The following CYB561A3 variants were observed in gnomAD, a reference collection of about 807,000 sequenced individuals.
CYB561A3 encodes lysosomal membrane ascorbate-dependent ferrireductase CYB561A3.
In CYB561A3, 16 loss-of-function variants were observed where a neutral mutation model predicts 25.3. The ratio of observed to expected loss-of-function variants is 0.63; its 90% confidence interval spans 0.43 to 0.96. CYB561A3 has a LOEUF of 0.96. Ranked by LOEUF, CYB561A3 falls within the 40% of genes least tolerant of loss-of-function variation. CYB561A3 has a pLI of 0.00. For synonymous variants in CYB561A3, 131 were observed against 129.9 expected (o/e 1.01, Z -0.06); for missense variants, 219 against 307.5 (o/e 0.71, Z 2.15).
intron 3 of CYB561A3, among the ~76,000 whole-genome samples, chr11:61,354,972 C>T (rs2135120637): frequency 6.6e-6 from 1 of 151,914 alleles, no homozygotes; most frequent in African/African-American, 2.4e-5. Context: ...GGGTTCACGC[C>T]ATTCTCCTGC....
At position 61,353,132 on chromosome 11, in the gene CYB561A3, A is replaced by G. The variant is rs778479865; in HGVS notation, c.401T>C (p.Leu134Pro). ...TVFLFACQWF[L>P]GFAVFLLPWA... ...GGGCAGGAGGAAGACAGCAAAGCCC[A>G]GGAACCACTGTGGACAAAAGGGAGG... Residue 134 changes from leucine to proline, a missense_variant, in exon 5 of 7, where the codon CTG (leucine) becomes CCG (proline). Transcript: ENST00000294072. The G allele has an allele frequency of 3.1e-6, 5 of 1,606,862 alleles. No individual in the cohort carries two copies. The highest frequency in any genetic ancestry group is 4.2e-6 in the Non-Finnish European group (5 of 1,176,838).
At chr11:61,350,759 G>A in intron 6 of CYB561A3, 1 of 617,342 alleles carries the variant, frequency 1.6e-6, no homozygotes, top group Non-Finnish European at 2.7e-6. Flanking sequence ...CAGTGATTTG[G>A]GGGGGAAATT....
intron 5 of CYB561A3, 131 bp from the exon 6 acceptor site, chr11:61,351,278 C>A (rs1213585585): frequency 1.2e-6 from 1 of 842,310 alleles, no homozygotes; most frequent in Non-Finnish European, 1.7e-6. Flanking sequence ...AATTTTAACA[C>A]CCTTTCTTTT....
chr11:61,349,920 C>T lies in CYB561A3; in HGVS notation c.*479G>A, dbSNP rs1857319420. On this transcript the variant is annotated 3_prime_UTR_variant, in exon 7 of 7. Transcript: ENST00000294072. ...ACCTCACCTCCCTCATGTTTCACAC[C>T]GTGGACTGCACTTGAGTCCCAGCTC... is the stretch of plus-strand genomic sequence containing the variant. The T allele has an allele frequency of 6.0e-6, 3 of 502,068 alleles. No homozygotes were observed. Among genetic ancestry groups the T allele is most frequent in the African/African-American group, 1.9e-5 (1 of 51,764 alleles). The allele number at this position is 502,068 out of a possible 1,614,324, so 31.1% of individuals were successfully genotyped here. A position where few individuals can be genotyped will look rare whatever the true frequency, so the allele number is the denominator to read the frequency against.
chr11:61,356,951 C>A, intron 2 of CYB561A3: 1 of 1,452,578 alleles, frequency 6.9e-7, no homozygotes, highest in Non-Finnish European at 9.0e-7. Context: ...CCTGGCAGTG[C>A]CCAGACAGAG....
At chr11:61,350,763 G>A in intron 6 of CYB561A3, 2 of 624,996 alleles carry the variant, frequency 3.2e-6, no homozygotes, top group South Asian at 2.4e-5. Flanking sequence ...GATTTGGGGG[G>A]GAAATTCTGT....
intron 5 of CYB561A3, 195 bp from the exon 6 acceptor site, chr11:61,351,342 T>G: frequency 1.9e-6 from 1 of 517,442 alleles, no homozygotes; most frequent in African/African-American, 2.2e-5. Context: ...CGGGCTGGAG[T>G]GCAGTGGCAC....
rs1031208900 is a variant in CYB561A3, at chr11:61,350,098, C to CA, written c.*300dup. On this transcript the variant is annotated 3_prime_UTR_variant, in exon 7 of 7. Transcript: ENST00000294072. Reference sequence around the variant, plus strand: ...CAGAAGCCAAAGCCACCAAGGAAAGCAGACAGGCAGCAAGCAGCCAGAGAA... The same window carrying CA: ...CAGAAGCCAAAGCCACCAAGGAAAGCAAGACAGGCAGCAAGCAGCCAGAGAA... The CA allele has an allele frequency of 1.8e-6, 1 of 559,118 alleles. No individual in the cohort carries two copies. The highest frequency in any genetic ancestry group is 3.1e-5 in the Admixed American group (1 of 32,162). The allele number at this position is 559,118 out of a possible 1,614,324, so 34.6% of individuals were successfully genotyped here.
chr11:61,360,826 A>AAATTAGCCGGGCGCGGTC (rs2135137271), intron 1 of CYB561A3: 1 of 152,234 alleles, frequency 6.6e-6, no homozygotes, highest in African/African-American at 2.4e-5. Context: ...AAAAATACAA[A>AAATTAGCCGGGCGCGGTC]AATTAGCCGG....
At chr11:61,351,971 TC>T (rs1857433780) in intron 5 of CYB561A3, 1 of 152,154 alleles carries the variant, frequency 6.6e-6, no homozygotes, top group South Asian at 2.1e-4. Context: ...CAGGCTGGAC[TC>T]CTTCCACCTC....
Position 61,349,706 on chromosome 11 carries a change from A to T in CYB561A3, c.*693T>A. 2.9e-6 allele frequency: 2 copies of T among 699,662 alleles called. No individual in the cohort carries two copies. The allele number at this position is 699,662 out of a possible 1,614,324, so 43.3% of individuals were successfully genotyped here. A position where few individuals can be genotyped will look rare whatever the true frequency, so the allele number is the denominator to read the frequency against. On this transcript the variant is annotated 3_prime_UTR_variant, in exon 7 of 7. Transcript: ENST00000294072. ...GACACAGAGCAGCAATACGAAACAG[A>T]ACAGCTCAGAGCGGTCAGCTCCTCA...
chr11:61,359,275 TTCCATGAA>T (rs1565072370), intron 1 of CYB561A3: 1 of 150,294 alleles, frequency 6.7e-6, no homozygotes, highest in Non-Finnish European at 1.5e-5. Flanking sequence ...GGGAAAAAGC[TTCCATGAA>T]GCTGGCAGGA....
chr11:61,358,813 G>A (rs1303405775), intron 1 of CYB561A3: 1 of 152,224 alleles, frequency 6.6e-6, no homozygotes, highest in Non-Finnish European at 1.5e-5. Flanking sequence ...TGTTCCTTGT[G>A]CCTGCCCAGG....
intron 3 of CYB561A3, 77 bp downstream of exon 3, chr11:61,356,439 CAACATTTACAAAGG>C: frequency 7.6e-7 from 1 of 1,319,820 alleles, no homozygotes; most frequent in Non-Finnish European, 1.0e-6. Flanking sequence ...GCCCCAAGCC[CAACATTTACAAAGG>C]CCAGCCTTGG....
At chr11:61,356,405 A>C in intron 3 of CYB561A3, 125 bp downstream of exon 3, 3 of 715,680 alleles carry the variant, frequency 4.2e-6, no homozygotes, top group East Asian at 5.0e-5. Context: ...GCCCAGAGAC[A>C]GCCCAACCCA....
At chr11:61,350,769 T>TCCCC (rs1857366157) in intron 6 of CYB561A3, 1 of 636,838 alleles carries the variant, frequency 1.6e-6, no homozygotes, top group African/African-American at 1.8e-5. Flanking sequence ...GGGGGGAAAT[T>TCCCC]CTGTCTCCCA....
intron 3 of CYB561A3, chr11:61,356,328 T>G: frequency 1.5e-6 from 1 of 689,626 alleles, no homozygotes; most frequent in Non-Finnish European, 2.3e-6. Context: ...TGCCCTAGAG[T>G]ATTTGTGAAG....
chr11:61,353,203 T>A, intron 4 of CYB561A3, 64 bp from the exon 5 acceptor site: 1 of 1,517,150 alleles, frequency 6.6e-7, no homozygotes, highest in Middle Eastern at 2.4e-4. Context: ...TCCCACCCCA[T>A]CAGTGCCTCC....
intron 3 of CYB561A3, 94 bp downstream of exon 3, chr11:61,356,436 G>T: frequency 1.1e-5 from 9 of 797,078 alleles, no homozygotes; most frequent in Non-Finnish European, 1.4e-5. Context: ...ATAGCCCCAA[G>T]CCCAACATTT....
Sources: allele counts gnomAD v4.1 joint callset (sites outside exome capture counted in the v4.1 genomes callset), GRCh38; gene constraint gnomAD v4.1.1; transcripts MANE v1.5; gene names NCBI Gene and HGNC (gene_info 2026-07-23, HGNC 2026-07-21).